The following ZBBX variants were observed in gnomAD, a reference collection of about 807,000 sequenced individuals.
ZBBX encodes zinc finger B-box domain containing, also known as zinc finger B-box domain-containing protein 1.
In ZBBX, 101 loss-of-function variants were observed where a neutral mutation model predicts 108.5. The observed-to-expected ratio is 0.93, with a 90% CI of 0.79 to 1.10. The LOEUF is 1.10. Among genes scored for constraint, ZBBX ranks in the 50% least tolerant of loss-of-function variants. The pLI is 0.00. For synonymous variants in ZBBX, 356 were observed against 323.4 expected, an observed-to-expected ratio of 1.10 and a Z score of -1.08; for missense variants, 1,009 against 941.4, an observed-to-expected ratio of 1.07 and a Z score of -0.94.
chr3:167,246,488 G>A (rs1721591681), intron 20 of ZBBX, among the ~76,000 whole-genome samples: 1 of 151,952 alleles, frequency 6.6e-6, no homozygotes, highest in Non-Finnish European at 1.5e-5. Context: ...TCTAGTATCT[G>A]GTGCATTTTT....
chr3:167,281,741 A>G (rs1728848275), intron 20 of ZBBX, among the ~76,000 whole-genome samples: 1 of 152,184 alleles, frequency 6.6e-6, no homozygotes, highest in Non-Finnish European at 1.5e-5. Flanking sequence ...TCACCTGGGT[A>G]TTTGTTAGAT....
chr3:167,212,131 C>G, the ZBBX span, among the ~76,000 whole-genome samples: 3 of 151,818 alleles, frequency 2.0e-5, no homozygotes, highest in African/African-American at 4.8e-5. Flanking sequence ...GGGGAAGAAA[C>G]AGGCTGCCAT....
At chr3:167,367,306 G>A (rs1475641242) in intron 5 of ZBBX, among the ~76,000 whole-genome samples, 1 of 151,666 alleles carries the variant, frequency 6.6e-6, no homozygotes, top group Admixed American at 6.6e-5. Context: ...AAATTACAGA[G>A]GTAGGAATTT....
the ZBBX span, among the ~76,000 whole-genome samples, chr3:167,230,505 G>A: frequency 6.6e-6 from 1 of 151,790 alleles, no homozygotes; most frequent in Non-Finnish European, 1.5e-5. Flanking sequence ...ATATACAGTG[G>A]CCAGTAAGGA....
At chr3:167,222,565 G>A in the ZBBX span, among the ~76,000 whole-genome samples, 1 of 151,726 alleles carries the variant, frequency 6.6e-6, no homozygotes, top group South Asian at 2.1e-4. Context: ...AATACTAAAG[G>A]CATATAATTA....
In ZBBX at chr3:167,357,968, T is replaced by C. The variant is rs187194592; in HGVS notation, c.432+1902A>G. ...GCATATTCTCACTCATAGGTGGGAA[T>C]TGAACAATGAATACACATGGACACA... On this transcript the variant is annotated intron_variant, in intron 8 of 21. Coordinates refer to ENST00000675490, the MANE Select transcript of ZBBX (RefSeq NM_001199201.2). Among the ~76,000 whole-genome samples the C allele has an allele frequency of 6.0e-3, 913 of 152,094 alleles. 4 individuals carry two copies. Among genetic ancestry groups the C allele is most frequent in the African/African-American group, 0.019 (799 of 41,484 alleles).
At chr3:167,304,114 T>C (rs1481438704) in intron 17 of ZBBX, among the ~76,000 whole-genome samples, 3 of 152,200 alleles carry the variant, frequency 2.0e-5, no homozygotes, top group Non-Finnish European at 4.4e-5. Flanking sequence ...AAGTTCTTTT[T>C]ATTTCTTCCT....
At chr3:167,292,543 T>C (rs1160401997) in intron 18 of ZBBX, among the ~76,000 whole-genome samples, 1 of 152,170 alleles carries the variant, frequency 6.6e-6, no homozygotes, top group African/African-American at 2.4e-5. Context: ...TGGGACACAT[T>C]TAATGCAGTG....
At chr3:167,315,379 G>C (rs900456325) in intron 15 of ZBBX, among the ~76,000 whole-genome samples, 2 of 151,832 alleles carry the variant, frequency 1.3e-5, no homozygotes, top group Non-Finnish European at 2.9e-5. Context: ...TTTTTATTTA[G>C]GGTTCATAGA....
intron 20 of ZBBX, among the ~76,000 whole-genome samples, chr3:167,282,032 G>C (rs1728893250): frequency 1.3e-5 from 2 of 152,090 alleles, no homozygotes; most frequent in South Asian, 4.1e-4. Flanking sequence ...TCCATCTTTG[G>C]TGTGGCTGGG....
chr3:167,397,518 T>C (rs1225092123), intron 1 of ZBBX, among the ~76,000 whole-genome samples: 1 of 151,992 alleles, frequency 6.6e-6, no homozygotes, highest in Non-Finnish European at 1.5e-5. Context: ...TCTCATATAT[T>C]AATATTTCAT....
the ZBBX span, among the ~76,000 whole-genome samples, chr3:167,194,755 A>C: frequency 6.6e-6 from 1 of 152,172 alleles, no homozygotes; most frequent in Non-Finnish European, 1.5e-5. Context: ...CAGAGCCACC[A>C]GGACTTATCC....
chr3:167,220,500 A>G, the ZBBX span, among the ~76,000 whole-genome samples: 2 of 152,096 alleles, frequency 1.3e-5, no homozygotes, highest in African/African-American at 4.8e-5. Context: ...GATCACTTCA[A>G]CTGATGCTGA....
chr3:167,278,981 C>G (rs1279401991), intron 20 of ZBBX, among the ~76,000 whole-genome samples: 1 of 152,116 alleles, frequency 6.6e-6, no homozygotes, highest in Non-Finnish European at 1.5e-5. Context: ...AGCATATAAA[C>G]AGAACCAAAG....
At chr3:167,235,527 AAT>A (rs61547127), downstream of ZBBX, among the ~76,000 whole-genome samples, 2,040 of 149,266 alleles carry the variant, frequency 0.014, 22 homozygotes, top group South Asian at 0.027. Context: ...TAAAAATGTG[AAT>A]ATATATATAT....
the ZBBX span, among the ~76,000 whole-genome samples, chr3:167,190,010 A>G: frequency 1.3e-5 from 2 of 152,214 alleles, no homozygotes; most frequent in African/African-American, 2.4e-5. Context: ...TCATAATGTC[A>G]TAGAATCACA....
At chr3:167,398,999 G>A (rs1748334568) in intron 1 of ZBBX, among the ~76,000 whole-genome samples, 1 of 151,874 alleles carries the variant, frequency 6.6e-6, no homozygotes, top group African/African-American at 2.4e-5. Flanking sequence ...CTAACAATTA[G>A]CGTGCTCAGC....
At position 167,391,611 on chromosome 3, in the gene ZBBX, G is replaced by A. The variant is rs117769693; in HGVS notation, c.-445-11206C>T. On this transcript the variant is annotated intron_variant, in intron 1 of 21. Transcript: ENST00000455345. Reference sequence around the variant, plus strand: ...TAGAATTTAGCTGGAAATCCGTTTGGCCTTGGGCTTTTTTTGGTTGGTAGG... The same window carrying A: ...TAGAATTTAGCTGGAAATCCGTTTGACCTTGGGCTTTTTTTGGTTGGTAGG... 1.4e-3 allele frequency among the ~76,000 whole-genome samples: 210 copies of A among 152,006 alleles called. 6 individuals are homozygous for A. The East Asian group carries it at 0.038, about 28-fold the overall frequency.
At chr3:167,373,089 T>C in intron 3 of ZBBX, 139 bp from the exon 4 acceptor site, 1 of 496,018 alleles carries the variant, frequency 2.0e-6, no homozygotes, top group Non-Finnish European at 3.6e-6. Flanking sequence ...ACAGCAAAAA[T>C]TATACACTGT....
Sources: gnomAD v4.1 joint callset for allele counts (sites outside exome capture counted in the v4.1 genomes callset) on GRCh38, gnomAD v4.1.1 for gene constraint, MANE v1.5 for transcripts, NCBI Gene and HGNC (gene_info 2026-07-23, HGNC 2026-07-21) for gene names.